Variants in RGS6 observed in about 807,000 individuals in gnomAD.
RGS6 encodes regulator of G-protein signaling 6.
In RGS6, 30 loss-of-function variants were observed where a neutral mutation model predicts 78.5. The ratio of observed to expected loss-of-function variants is 0.38; its 90% CI spans 0.29 to 0.52. The LOEUF (loss-of-function observed/expected upper bound fraction) is 0.52, where lower values mean the gene tolerates loss of function less well. Among genes scored for constraint, RGS6 ranks in the 20% least tolerant of loss-of-function variants. The pLI is 0.85. For synonymous variants in RGS6, 206 were observed against 206.0 expected, an observed-to-expected ratio of 1.00 and a Z score of 0.00; for missense variants, 495 against 609.7, an observed-to-expected ratio of 0.81 and a Z score of 1.98.
At chr14:72,550,580 A>C in intron 17 of RGS6, 1 of 1,535,430 alleles carries the variant, frequency 6.5e-7, no homozygotes, top group Non-Finnish European at 8.7e-7. Context: ...CTGCAGCAAA[A>C]GTGGTGGGGG....
chr14:72,113,793 C>T (rs757201371), intron 2 of RGS6, among the ~76,000 whole-genome samples: 1 of 152,132 alleles, frequency 6.6e-6, no homozygotes, highest in African/African-American at 2.4e-5. Flanking sequence ...TATACTGTCA[C>T]TTCCAAAGCA....
chr14:71,981,126 C>A (rs2094429997), intron 2 of RGS6, among the ~76,000 whole-genome samples: 1 of 147,842 alleles, frequency 6.8e-6, no homozygotes, highest in African/African-American at 2.5e-5. Flanking sequence ...CTCCTTTAAG[C>A]ACTTCTCTGT....
intron 3 of RGS6, 130 bp downstream of exon 3, chr14:72,352,324 TC>T: frequency 1.6e-6 from 1 of 615,998 alleles, no homozygotes; most frequent in Non-Finnish European, 2.8e-6. Context: ...GTTTCTTGAC[TC>T]AGGTCCCATC....
chr14:72,306,326 T>C lies in RGS6; in HGVS notation c.85-45769T>C, dbSNP rs141436737. 1.8e-3 allele frequency among the ~76,000 whole-genome samples: 281 copies of C among 152,356 alleles called. 1 individual carries two copies. The highest frequency in any genetic ancestry group is 6.3e-3 in the African/African-American group (264 of 41,592). ...TATGAAGATGTACAAGAATGTGTAATACAAGGCATGTTGTTTTCATGCCTG... is the reference window on the plus strand; with the variant it reads ...TATGAAGATGTACAAGAATGTGTAACACAAGGCATGTTGTTTTCATGCCTG... On this transcript the variant is annotated intron_variant, in intron 2 of 17. Coordinates refer to ENST00000553525, the MANE Select transcript of RGS6 (RefSeq NM_001204424.2).
downstream of RGS6, among the ~76,000 whole-genome samples, chr14:72,569,127 T>C (rs2097717328): frequency 6.6e-6 from 1 of 152,154 alleles, no homozygotes; most frequent in Non-Finnish European, 1.5e-5. Flanking sequence ...TGTGTGTGTG[T>C]GTGTGTGTGT....
chr14:72,375,807 C>T (rs1275707880), intron 3 of RGS6, among the ~76,000 whole-genome samples: 2 of 152,126 alleles, frequency 1.3e-5, no homozygotes, highest in Non-Finnish European at 2.9e-5. Flanking sequence ...ACTGTGTCTA[C>T]CCAGAAGCAA....
At position 71,995,846 on chromosome 14, in the gene RGS6, T is replaced by G. The variant is rs146531916; in HGVS notation, c.84+30971T>G. 4.6e-5 allele frequency among the ~76,000 whole-genome samples: 7 copies of G among 152,348 alleles called. No individual in the cohort carries two copies. The East Asian group carries it at 1.3e-3, about 29-fold the overall frequency. On this transcript the variant is annotated intron_variant, in intron 2 of 17. Coordinates refer to ENST00000553525, the MANE Select transcript of RGS6 (RefSeq NM_001204424.2). ...ATTCAGAAAATGTGGCCATAGTTTATACACATAGATTCAGGGCTGGCCTAC... is the reference window on the plus strand; with the variant it reads ...ATTCAGAAAATGTGGCCATAGTTTAGACACATAGATTCAGGGCTGGCCTAC...
chr14:71,874,236 A>G, the RGS6 span, among the ~76,000 whole-genome samples: 1 of 151,956 alleles, frequency 6.6e-6, no homozygotes, highest in Non-Finnish European at 1.5e-5. Context: ...CTTGGGCAGT[A>G]TGGCCATTTT....
chr14:72,064,087 A>G (rs972587595), intron 2 of RGS6, among the ~76,000 whole-genome samples: 17 of 152,152 alleles, frequency 1.1e-4, no homozygotes, highest in Admixed American at 3.9e-4. Flanking sequence ...TAGTTTTGCA[A>G]TCTGAATAAT....
At chr14:72,082,883 A>G (rs189672779) in intron 2 of RGS6, among the ~76,000 whole-genome samples, 30 of 152,298 alleles carry the variant, frequency 2.0e-4, no homozygotes, top group African/African-American at 7.0e-4. Flanking sequence ...CAAGTTACAA[A>G]AAACCCCAAC....
At chr14:71,987,068 T>G (rs926133438) in intron 2 of RGS6, among the ~76,000 whole-genome samples, 9 of 152,122 alleles carry the variant, frequency 5.9e-5, no homozygotes, top group Non-Finnish European at 8.8e-5. Flanking sequence ...AATAACATAT[T>G]TATAGGTTTG....
At chr14:72,014,630 T>C (rs913160188) in intron 2 of RGS6, among the ~76,000 whole-genome samples, 1 of 152,188 alleles carries the variant, frequency 6.6e-6, no homozygotes, top group African/African-American at 2.4e-5. Context: ...GATTTCCTTT[T>C]AAAATAATGT....
intron 2 of RGS6, among the ~76,000 whole-genome samples, chr14:72,170,368 T>C (rs2096995148): frequency 6.6e-6 from 1 of 152,208 alleles, no homozygotes; most frequent in Non-Finnish European, 1.5e-5. Context: ...GTTCACCCTA[T>C]ATATGCTCTG....
chr14:72,265,943 G>C (rs1468152456), intron 2 of RGS6, among the ~76,000 whole-genome samples: 2 of 146,984 alleles, frequency 1.4e-5, no homozygotes, highest in East Asian at 2.1e-4. Flanking sequence ...TTTTTTGGGG[G>C]GGGGGGCGGG....
chr14:72,391,249 T>A (rs544114038), intron 3 of RGS6, among the ~76,000 whole-genome samples: 1 of 106,948 alleles, frequency 9.4e-6, no homozygotes, highest in African/African-American at 6.4e-5. Flanking sequence ...TTAAAGAAAT[T>A]CAAACTTCAA....
chr14:71,978,020 A>T (rs2153103967), intron 2 of RGS6, among the ~76,000 whole-genome samples: 1 of 151,434 alleles, frequency 6.6e-6, no homozygotes, highest in South Asian at 2.1e-4. Context: ...ATTCTCTTTG[A>T]AGCAATTGTG....
intron 2 of RGS6, among the ~76,000 whole-genome samples, chr14:72,182,903 C>A (rs754604258): frequency 3.3e-5 from 5 of 152,000 alleles, no homozygotes; most frequent in Non-Finnish European, 7.4e-5. Flanking sequence ...GATTTTTTTT[C>A]ATACTCTCTG....
At chr14:72,010,839 C>A (rs149883744) in intron 2 of RGS6, among the ~76,000 whole-genome samples, 2 of 152,230 alleles carry the variant, frequency 1.3e-5, no homozygotes, top group Admixed American at 6.5e-5. Context: ...ATATTTTTTT[C>A]TCTATTGTTC....
chr14:72,227,921 A>G (rs1231157447), intron 2 of RGS6, among the ~76,000 whole-genome samples: 1 of 152,200 alleles, frequency 6.6e-6, no homozygotes, highest in Non-Finnish European at 1.5e-5. Flanking sequence ...TTACAATTAT[A>G]AACACATGAA....
Sources: allele counts gnomAD v4.1 joint callset (sites outside exome capture counted in the v4.1 genomes callset), GRCh38; gene constraint gnomAD v4.1.1; transcripts MANE v1.5; gene names NCBI Gene and HGNC (gene_info 2026-07-23, HGNC 2026-07-21).